NELL1: variants seen among roughly 807,000 people sequenced by gnomAD.
NELL1 encodes the protein protein kinase C-binding protein NELL1.
A neutral mutation model predicts 107.4 loss-of-function variants in NELL1; 76 were observed. The ratio of observed to expected loss-of-function variants is 0.71; its 90% confidence interval spans 0.59 to 0.86. The LOEUF (loss-of-function observed/expected upper bound fraction) is 0.86, where lower values mean the gene tolerates loss of function less well. NELL1 is among the 40% of genes least tolerant of loss of function. The pLI, the probability that NELL1 is intolerant of heterozygous loss-of-function variation, is 0.00. For synonymous variants in NELL1, 353 were observed against 341.2 expected (o/e 1.03, Z -0.38); for missense variants, 1,024 against 1,005.5 (o/e 1.02, Z -0.25).
At chr11:21,379,209 A>G (rs1851553834) in intron 15 of NELL1, among the ~76,000 whole-genome samples, 1 of 150,304 alleles carries the variant, frequency 6.7e-6, no homozygotes, top group African/African-American at 2.4e-5. Context: ...GATATCAGGT[A>G]TCTATAACCA....
At chr11:21,140,501 CTT>C (rs1468951204) in intron 13 of NELL1, among the ~76,000 whole-genome samples, 1 of 152,126 alleles carries the variant, frequency 6.6e-6, no homozygotes, top group Non-Finnish European at 1.5e-5. Context: ...TACACAGAAG[CTT>C]TGGAAGAGTA....
rs980331723 is a variant in NELL1, at chr11:20,852,212, C to T, written c.506+4459C>T. The stretch of plus-strand genomic sequence containing the variant: ...ATGGCACATACACACACATCTGCAG[C>T]CCGATTGTCACCTTGACAGAGAGTT... On this transcript the variant is annotated intron_variant, in intron 4 of 19. Transcript: ENST00000357134. Among the ~76,000 whole-genome samples, 6 of 152,044 alleles carry T rather than the reference C, an allele frequency of 3.9e-5. No individual in the cohort carries two copies. The Admixed American group carries it at 3.9e-4, about 10-fold the overall frequency.
intron 15 of NELL1, among the ~76,000 whole-genome samples, chr11:21,381,771 A>G (rs562704942): frequency 2.8e-4 from 42 of 152,038 alleles, no homozygotes; most frequent in African/African-American, 9.9e-4. Context: ...TGTTCCCACA[A>G]ACATTTTATG....
chr11:20,766,442 C>T (rs1322265302), intron 2 of NELL1, among the ~76,000 whole-genome samples: 2 of 152,140 alleles, frequency 1.3e-5, no homozygotes, highest in Non-Finnish European at 2.9e-5. Flanking sequence ...TTTTCCCCAC[C>T]AACTGGCTTT....
chr11:20,903,087 A>G (rs374776106), intron 5 of NELL1, among the ~76,000 whole-genome samples: 9 of 152,210 alleles, frequency 5.9e-5, no homozygotes, highest in African/African-American at 2.2e-4. Context: ...TGTTTTGTAC[A>G]TCATAAATAT....
intron 15 of NELL1, among the ~76,000 whole-genome samples, chr11:21,393,529 A>G (rs774255942): frequency 6.6e-6 from 1 of 151,768 alleles, no homozygotes; most frequent in African/African-American, 2.4e-5. Flanking sequence ...ATAGAAATAA[A>G]GTTATTTTTA....
chr11:20,956,511 T>G (rs538591025), intron 11 of NELL1, among the ~76,000 whole-genome samples: 9 of 151,890 alleles, frequency 5.9e-5, no homozygotes, highest in African/African-American at 1.9e-4. Context: ...CCGGGCATGG[T>G]GGCGGGCGCC....
rs760709127 is a variant in NELL1, at chr11:20,847,567, G to A, written c.336-16G>A. The A allele has an allele frequency of 1.2e-6, 2 of 1,607,974 alleles. No homozygotes were observed. Among genetic ancestry groups the A allele is most frequent in the African/African-American group, 1.3e-5 (1 of 74,742 alleles). On this transcript the variant is annotated splice_polypyrimidine_tract_variant and intron_variant, in intron 3 of 19. Coordinates refer to ENST00000357134, the MANE Select transcript of NELL1 (RefSeq NM_006157.5). ...CAGAACTAAAATAAAACAAATGTTTGTTCCTTTACATACAGCTATTTTGAA... is the reference window on the plus strand; with the variant it reads ...CAGAACTAAAATAAAACAAATGTTTATTCCTTTACATACAGCTATTTTGAA...
At chr11:21,016,106 A>G (rs1241214794) in intron 12 of NELL1, among the ~76,000 whole-genome samples, 1 of 152,126 alleles carries the variant, frequency 6.6e-6, no homozygotes, top group African/African-American at 2.4e-5. Context: ...ATGGATGGAT[A>G]GCAGATAACG....
intron 12 of NELL1, among the ~76,000 whole-genome samples, chr11:21,106,960 T>A (rs992667507): frequency 1.3e-5 from 2 of 152,186 alleles, no homozygotes; most frequent in Non-Finnish European, 2.9e-5. Flanking sequence ...GGAAGAATAA[T>A]TTACATCTTG....
At chr11:21,189,951 A>C (rs1441016879) in intron 13 of NELL1, among the ~76,000 whole-genome samples, 1 of 151,876 alleles carries the variant, frequency 6.6e-6, no homozygotes, top group East Asian at 1.9e-4. Context: ...GTGGAAAGAC[A>C]TTCAGTCATT....
chr11:20,864,301 A>C (rs973405487), intron 4 of NELL1, among the ~76,000 whole-genome samples: 25 of 152,212 alleles, frequency 1.6e-4, no homozygotes, highest in African/African-American at 6.0e-4. Context: ...ACATAGTAAT[A>C]AATTTTGTGG....
At chr11:21,131,565 G>T (rs1188466661) in intron 13 of NELL1, among the ~76,000 whole-genome samples, 1 of 152,130 alleles carries the variant, frequency 6.6e-6, no homozygotes, top group East Asian at 1.9e-4. Flanking sequence ...AAGATTCATG[G>T]CCTTTCATCT....
At chr11:21,281,965 C>T (rs766220415) in intron 14 of NELL1, among the ~76,000 whole-genome samples, 47 of 152,082 alleles carry the variant, frequency 3.1e-4, no homozygotes, top group African/African-American at 2.9e-4. Context: ...ATAATTTACA[C>T]GCATAGACAA....
chr11:21,269,852 C>T (rs544254059), intron 14 of NELL1, among the ~76,000 whole-genome samples: 2 of 152,020 alleles, frequency 1.3e-5, no homozygotes, highest in East Asian at 1.9e-4. Flanking sequence ...ACAATGTATT[C>T]GATTATATAC....
chr11:20,813,568 CTCTT>C (rs1297414295), intron 3 of NELL1, among the ~76,000 whole-genome samples: 1 of 152,168 alleles, frequency 6.6e-6, no homozygotes, highest in African/African-American at 2.4e-5. Context: ...AATAATTTAT[CTCTT>C]TCTGAGTATT....
At chr11:21,559,786 T>C (rs1856806612) in intron 16 of NELL1, among the ~76,000 whole-genome samples, 1 of 152,138 alleles carries the variant, frequency 6.6e-6, no homozygotes, top group African/African-American at 2.4e-5. Context: ...GTGTGCATAC[T>C]GTTAATGAAT....
intron 15 of NELL1, among the ~76,000 whole-genome samples, chr11:21,482,311 G>A (rs80111239): frequency 6.6e-6 from 1 of 152,196 alleles, no homozygotes; most frequent in East Asian, 1.9e-4. Flanking sequence ...CAAAAGTTCT[G>A]GGTAGGAGTA....
At chr11:20,896,492 T>C (rs1162770066) in intron 5 of NELL1, among the ~76,000 whole-genome samples, 1 of 152,196 alleles carries the variant, frequency 6.6e-6, no homozygotes, top group African/African-American at 2.4e-5. Flanking sequence ...AGATACCCAG[T>C]AGTGGGATTG....
Sources: gnomAD v4.1 joint callset for allele counts (sites outside exome capture counted in the v4.1 genomes callset) on GRCh38, gnomAD v4.1.1 for gene constraint, MANE v1.5 for transcripts, NCBI Gene and HGNC (gene_info 2026-07-23, HGNC 2026-07-21) for gene names.